Variants in SLC24A3 observed in about 807,000 individuals in gnomAD.
SLC24A3 encodes the protein solute carrier family 24 member 3.
In SLC24A3, 28 loss-of-function variants were observed where a neutral mutation model predicts 75.8. That is an observed-to-expected ratio of 0.37 (90% CI 0.27 to 0.51). SLC24A3 has a LOEUF of 0.51. Ranked by LOEUF, SLC24A3 falls within the 20% of genes least tolerant of loss-of-function variation. The probability of loss-of-function intolerance (pLI) is 0.94; values close to 1 mark genes in which losing one functional copy is unlikely to be tolerated. For missense variants in SLC24A3, 663 were observed against 847.8 expected, an observed-to-expected ratio of 0.78 and a Z score of 2.71; for synonymous variants, 372 against 334.1, an observed-to-expected ratio of 1.11 and a Z score of -1.24.
intron 3 of SLC24A3, among the ~76,000 whole-genome samples, chr20:19,565,255 C>T (rs2030936470): frequency 6.6e-6 from 1 of 152,248 alleles, no homozygotes; most frequent in African/African-American, 2.4e-5. Flanking sequence ...CATGAATTCT[C>T]TTTCCTTGTT....
At chr20:19,376,462 G>A (rs1018987849) in intron 2 of SLC24A3, among the ~76,000 whole-genome samples, 5 of 152,166 alleles carry the variant, frequency 3.3e-5, no homozygotes, top group South Asian at 2.1e-4. Context: ...TGCCTTGTGC[G>A]CTGCTGTATC....
chr20:19,468,732 G>A, intron 2 of SLC24A3, among the ~76,000 whole-genome samples: 1 of 152,154 alleles, frequency 6.6e-6, no homozygotes, highest in East Asian at 1.9e-4. Context: ...GTCTTCTCTG[G>A]CCACATAAAT....
chr20:19,584,588 A>G (rs1033154017), intron 4 of SLC24A3, among the ~76,000 whole-genome samples: 7 of 152,124 alleles, frequency 4.6e-5, no homozygotes, highest in Admixed American at 4.6e-4. Flanking sequence ...CCTCAGACCT[A>G]CCGCCTGCTG....
At chr20:19,434,817 G>T (rs1192263549) in intron 2 of SLC24A3, among the ~76,000 whole-genome samples, 1 of 151,998 alleles carries the variant, frequency 6.6e-6, no homozygotes, top group Non-Finnish European at 1.5e-5. Context: ...CATGTGCAGG[G>T]TAAGGGGAAT....
At chr20:19,628,776 C>G (rs1272897077) in intron 6 of SLC24A3, among the ~76,000 whole-genome samples, 4 of 152,088 alleles carry the variant, frequency 2.6e-5, no homozygotes, top group Non-Finnish European at 5.9e-5. Flanking sequence ...CACACCACTT[C>G]AGCTGGGAAA....
chr20:19,348,660 G>A (rs1159472962), intron 2 of SLC24A3, among the ~76,000 whole-genome samples: 1 of 152,014 alleles, frequency 6.6e-6, no homozygotes, highest in Non-Finnish European at 1.5e-5. Flanking sequence ...CTCTCAAATG[G>A]CAGAGCTACT....
At chr20:19,302,659 A>G (rs1002025881) in intron 2 of SLC24A3, among the ~76,000 whole-genome samples, 1 of 152,208 alleles carries the variant, frequency 6.6e-6, no homozygotes, top group South Asian at 2.1e-4. Flanking sequence ...ATAAGTATGC[A>G]TAAGCACTAA....
chr20:19,470,987 C>T (rs58933099), intron 2 of SLC24A3, among the ~76,000 whole-genome samples: 2,278 of 152,208 alleles, frequency 0.015, 65 homozygotes, highest in African/African-American at 0.049. Context: ...CAGAGGGAGA[C>T]GGCACAAGGT....
intron 1 of SLC24A3, among the ~76,000 whole-genome samples, chr20:19,246,936 GC>G (rs1489800252): frequency 6.6e-6 from 1 of 151,924 alleles, no homozygotes; most frequent in Non-Finnish European, 1.5e-5. Flanking sequence ...AATAATAAAA[GC>G]ATTTCCTTTA....
chr20:19,546,188 A>AAAAAAAAAAAAAAAAAAAAAAAC (rs1568651726), intron 3 of SLC24A3, among the ~76,000 whole-genome samples: 1 of 145,694 alleles, frequency 6.9e-6, no homozygotes. Context: ...AAAAAAAAAA[A>AAAAAAAAAAAAAAAAAAAAAAAC]CCAGGTAATC....
In SLC24A3 at chr20:19,212,715, C is replaced by T; in HGVS notation, c.-128C>T. 4 of 728,734 alleles carry T rather than the reference C, an allele frequency of 5.5e-6. No homozygotes were observed. The highest frequency in any genetic ancestry group is 5.0e-6 in the Non-Finnish European group (3 of 597,128). 45.1% of individuals were successfully genotyped at this position (728,734 alleles called of 1,614,324 possible). ...GAGGAAGAGGAGGCGGAGGCGGCGG[C>T]CGGGTGGGAGCGCAGCGAGGACGCG... On this transcript the variant is annotated 5_prime_UTR_variant, in exon 1 of 17. Transcript: ENST00000328041.
chr20:19,579,927 A>G, intron 3 of SLC24A3, 73 bp from the exon 4 acceptor site: 1 of 1,110,336 alleles, frequency 9.0e-7, no homozygotes, highest in Admixed American at 1.8e-5. Flanking sequence ...ATCAAAGCAG[A>G]AGGTGGCTGG....
chr20:19,671,366 T>C (rs1182838818), intron 8 of SLC24A3, among the ~76,000 whole-genome samples: 1 of 152,238 alleles, frequency 6.6e-6, no homozygotes, highest in African/African-American at 2.4e-5. Context: ...TCATTTTTTT[T>C]CTTAGGCATT....
At chr20:19,363,416 G>A (rs142083502) in intron 2 of SLC24A3, among the ~76,000 whole-genome samples, 379 of 152,308 alleles carry the variant, frequency 2.5e-3, no homozygotes, top group African/African-American at 4.0e-3. Flanking sequence ...AGACTTTCCC[G>A]TCTTCTTAAG....
At chr20:19,360,392 A>G (rs1985764159) in intron 2 of SLC24A3, among the ~76,000 whole-genome samples, 1 of 152,236 alleles carries the variant, frequency 6.6e-6, no homozygotes, top group Non-Finnish European at 1.5e-5. Context: ...ATATCTCAAC[A>G]TGAGAATGTC....
At chr20:19,493,452 TTTAA>T (rs1988235423) in intron 2 of SLC24A3, among the ~76,000 whole-genome samples, 1 of 152,220 alleles carries the variant, frequency 6.6e-6, no homozygotes, top group African/African-American at 2.4e-5. Flanking sequence ...ACTCCAAAAT[TTTAA>T]TTAAATGAGT....
chr20:19,631,823 T>TGTGTG (rs57832666), intron 6 of SLC24A3, among the ~76,000 whole-genome samples: 1 of 148,218 alleles, frequency 6.7e-6, no homozygotes, highest in East Asian at 2.0e-4. Flanking sequence ...TGTGTGTGTG[T>TGTGTG]ATGTAACCAC....
chr20:19,317,193 G>A (rs1196913440), intron 2 of SLC24A3, among the ~76,000 whole-genome samples: 1 of 152,068 alleles, frequency 6.6e-6, no homozygotes, highest in Non-Finnish European at 1.5e-5. Flanking sequence ...AAACTTAAAT[G>A]CAAAACCCAA....
chr20:19,324,731 A>G (rs1324496497), intron 2 of SLC24A3, among the ~76,000 whole-genome samples: 3 of 152,210 alleles, frequency 2.0e-5, no homozygotes, highest in African/African-American at 7.2e-5. Context: ...GGCTAAGTCA[A>G]TTATCTTATT....
Sources: allele counts gnomAD v4.1 joint callset (sites outside exome capture counted in the v4.1 genomes callset), GRCh38; gene constraint gnomAD v4.1.1; transcripts MANE v1.5; gene names NCBI Gene and HGNC (gene_info 2026-07-23, HGNC 2026-07-21).